Variants in BTAF1 observed in about 807,000 individuals in gnomAD.
BTAF1 encodes B-TFIID TATA-box binding protein associated factor 1.
A neutral mutation model predicts 227.1 loss-of-function variants in BTAF1; 38 were observed. That is an observed-to-expected ratio of 0.17 (90% CI 0.13 to 0.22). The LOEUF (loss-of-function observed/expected upper bound fraction) is 0.22. Among genes scored for constraint, BTAF1 ranks in the 10% least tolerant of loss-of-function variants. The pLI is 1.00. For missense variants in BTAF1, 1,598 were observed against 2,204.0 expected, an observed-to-expected ratio of 0.73 and a Z score of 5.51; for synonymous variants, 742 against 751.9, an observed-to-expected ratio of 0.99 and a Z score of 0.21.
intron 4 of BTAF1, among the ~76,000 whole-genome samples, chr10:91,951,202 C>T (rs1845744724): frequency 6.6e-6 from 1 of 152,058 alleles, no homozygotes; most frequent in Admixed American, 6.6e-5. Context: ...TGAAAACTCC[C>T]AGAATGTTTT....
At chr10:91,988,239 A>G (rs1848536455) in intron 19 of BTAF1, among the ~76,000 whole-genome samples, 1 of 152,202 alleles carries the variant, frequency 6.6e-6, no homozygotes, top group Non-Finnish European at 1.5e-5. Flanking sequence ...GCATATTAAG[A>G]CATTATATCT....
intron 33 of BTAF1, among the ~76,000 whole-genome samples, chr10:92,016,979 GA>G (rs1203897807): frequency 3.9e-5 from 6 of 152,212 alleles, no homozygotes; most frequent in African/African-American, 1.4e-4. Flanking sequence ...TATATTACAT[GA>G]AAAGAAGGGC....
intron 1 of BTAF1, among the ~76,000 whole-genome samples, chr10:91,934,376 A>G (rs1314321028): frequency 6.6e-6 from 1 of 151,978 alleles, no homozygotes; most frequent in Non-Finnish European, 1.5e-5. Flanking sequence ...AGCCGGGACT[A>G]CAGGTGGATG....
intron 14 of BTAF1, among the ~76,000 whole-genome samples, chr10:91,976,273 C>T (rs192456607): frequency 3.7e-4 from 57 of 152,244 alleles, no homozygotes; most frequent in Non-Finnish European, 3.1e-4. Flanking sequence ...TTTAGGCATG[C>T]CACCCTCAGC....
chr10:91,938,681 T>C (rs1244873343), intron 2 of BTAF1, among the ~76,000 whole-genome samples: 1 of 152,176 alleles, frequency 6.6e-6, no homozygotes, highest in African/African-American at 2.4e-5. Context: ...TAGAAAGTTT[T>C]GAAGTCAAGA....
intron 12 of BTAF1, among the ~76,000 whole-genome samples, chr10:91,963,418 C>CAA (rs71025375): frequency 0.016 from 2,019 of 127,024 alleles, 32 homozygotes; most frequent in African/African-American, 0.034. Context: ...GACTCCGTCT[C>CAA]AAAAAAAAAA....
At chr10:91,983,479 C>T (rs1848200294) in intron 18 of BTAF1, among the ~76,000 whole-genome samples, 2 of 152,242 alleles carry the variant, frequency 1.3e-5, no homozygotes, top group Non-Finnish European at 2.9e-5. Context: ...GCTGACACCC[C>T]TGCTTGGCCT....
intron 26 of BTAF1, 42 bp from the exon 27 acceptor site, chr10:92,008,787 A>G (rs201620184): frequency 1.3e-6 from 2 of 1,492,646 alleles, no homozygotes; most frequent in East Asian, 4.6e-5. Context: ...AGAAAAAATA[A>G]ATTTATGATG....
intron 33 of BTAF1, among the ~76,000 whole-genome samples, chr10:92,016,908 A>C (rs1034036271): frequency 3.3e-5 from 5 of 152,260 alleles, no homozygotes; most frequent in Non-Finnish European, 7.3e-5. Context: ...ATACCTATTT[A>C]ATATATCTTA....
At chr10:92,028,680 C>T in intron 37 of BTAF1, 110 bp from the exon 38 acceptor site, 1 of 1,091,938 alleles carries the variant, frequency 9.2e-7, no homozygotes, top group South Asian at 1.6e-5. Context: ...TTGAAGTACT[C>T]AATTCTGTTG....
At chr10:92,017,450 G>A (rs1271229651) in intron 33 of BTAF1, among the ~76,000 whole-genome samples, 1 of 152,126 alleles carries the variant, frequency 6.6e-6, no homozygotes. Flanking sequence ...AATAGATTAA[G>A]TACTGTAGCA....
rs867923772 is a variant in BTAF1 at position 92,024,901 on chromosome 10, C to G, written c.5009C>G (p.Pro1670Arg). 4 of 1,613,956 alleles carry G rather than the reference C, an allele frequency of 2.5e-6. No homozygotes were observed. The highest frequency in any genetic ancestry group is 2.2e-5 in the South Asian group (2 of 91,072). The change falls in exon 35 of 38, where the codon CCC (proline) becomes CGC (arginine). Residue 1670 changes from proline to arginine, a missense_variant. Transcript: ENST00000265990. Reference protein sequence around the residue: ...VEHDLLKPHLPSVTYLRLDGS... With the variant: ...VEHDLLKPHLRSVTYLRLDGS... ...CATGATCTCCTCAAACCTCACTTGC[C>G]CTCTGTCACTTATTTGAGATTAGAT...
chr10:91,957,092 T>C, intron 7 of BTAF1, 133 bp from the exon 8 acceptor site: 1 of 551,756 alleles, frequency 1.8e-6, no homozygotes, highest in Non-Finnish European at 3.2e-6. Flanking sequence ...ATATCTTAAT[T>C]AGTTAAAAAA....
chr10:91,955,333 C>G (rs1846020539), intron 6 of BTAF1, among the ~76,000 whole-genome samples: 3 of 152,062 alleles, frequency 2.0e-5, no homozygotes, highest in African/African-American at 7.2e-5. Flanking sequence ...GTTCTAGGCC[C>G]TGAGGACATG....
Position 91,962,544 on chromosome 10 carries a change from A to G in BTAF1, c.1270A>G (p.Ile424Val), listed in dbSNP as rs774038420. 7 of 1,543,882 alleles carry G rather than the reference A, an allele frequency of 4.5e-6. No individual in the cohort carries two copies. Among genetic ancestry groups the G allele is most frequent in the African/African-American group, 1.4e-5 (1 of 72,874 alleles). The change falls in exon 12 of 38, where the codon ATT becomes GTT. Residue 424 changes from isoleucine (I) to valine (V), a missense_variant. This residue lies in a region of BTAF1 where 52 missense variants were observed against 72.4 expected (regional missense o/e 0.72). Transcript: ENST00000265990. ...KYALAVRQDV[I>V]NTLLPKVLTR... The stretch of plus-strand genomic sequence containing the variant: ...TTCATGTACTGTTTTACAGGATGTA[A>G]TTAATACTTTATTGCCTAAAGTTTT...
chr10:91,960,271 C>A, intron 11 of BTAF1, 117 bp downstream of exon 11: 1 of 1,119,294 alleles, frequency 8.9e-7, no homozygotes. Context: ...GCCAGTCTTC[C>A]AAGATTTGCC....
At chr10:91,968,883 T>C (rs748631378) in intron 14 of BTAF1, among the ~76,000 whole-genome samples, 6 of 152,084 alleles carry the variant, frequency 3.9e-5, no homozygotes, top group Non-Finnish European at 7.4e-5. Flanking sequence ...TATTTATTTA[T>C]TTTATTTTTG....
At chr10:91,968,287 A>G (rs1320812113) in intron 14 of BTAF1, among the ~76,000 whole-genome samples, 6 of 152,188 alleles carry the variant, frequency 3.9e-5, no homozygotes, top group African/African-American at 1.2e-4. Context: ...AATATCACAT[A>G]GTGGAATCAT....
intron 24 of BTAF1, among the ~76,000 whole-genome samples, chr10:91,996,925 G>C (rs1364140342): frequency 6.6e-6 from 1 of 152,056 alleles, no homozygotes; most frequent in African/African-American, 2.4e-5. Flanking sequence ...TCTATAGGTA[G>C]TCCCTATGTT....
Sources: allele counts gnomAD v4.1 joint callset (sites outside exome capture counted in the v4.1 genomes callset), GRCh38; gene constraint gnomAD v4.1.1; regional missense constraint gnomAD v4.1.1; transcripts MANE v1.5; gene names NCBI Gene and HGNC (gene_info 2026-07-23, HGNC 2026-07-21).